The following CSMD1 variants were observed in gnomAD, a reference collection of about 807,000 sequenced individuals.
The protein encoded by CSMD1 is CUB and sushi domain-containing protein 1.
In CSMD1, 213 loss-of-function variants were observed where a neutral mutation model predicts 417.5. The ratio of observed to expected loss-of-function variants is 0.51; its 90% CI spans 0.46 to 0.57. The LOEUF (loss-of-function observed/expected upper bound fraction) is 0.57, where lower values mean the gene tolerates loss of function less well. Ranked by LOEUF, CSMD1 falls within the 20% of genes least tolerant of loss-of-function variation. CSMD1 has a pLI of 0.00. For missense variants in CSMD1, 6,923 were observed against 4,529.7 expected, an observed-to-expected ratio of 1.53 and a Z score of -15.17; for synonymous variants, 2,862 against 1,736.8, an observed-to-expected ratio of 1.65 and a Z score of -16.11.
intron 7 of CSMD1, among the ~76,000 whole-genome samples, chr8:3,650,229 G>T (rs1157192070): frequency 1.3e-5 from 2 of 151,646 alleles, no homozygotes; most frequent in African/African-American, 2.4e-5. Flanking sequence ...AATGACCTGA[G>T]ATTGCTTCAT....
At chr8:3,610,472 T>C (rs1276440096) in intron 8 of CSMD1, among the ~76,000 whole-genome samples, 5 of 32,410 alleles carry the variant, frequency 1.5e-4, no homozygotes, top group East Asian at 4.6e-4. Flanking sequence ...GAGTTCGAGA[T>C]TACAGTACTC....
At chr8:3,481,697 G>C (rs1005364874) in intron 11 of CSMD1, among the ~76,000 whole-genome samples, 1 of 152,162 alleles carries the variant, frequency 6.6e-6, no homozygotes, top group Non-Finnish European at 1.5e-5. Context: ...ATTTCAGGCA[G>C]AGAAGATGGT....
At chr8:3,943,488 A>C (rs1384858314) in intron 5 of CSMD1, among the ~76,000 whole-genome samples, 2 of 151,808 alleles carry the variant, frequency 1.3e-5, no homozygotes, top group Admixed American at 1.3e-4. Context: ...TGGGTGCTGA[A>C]ATTAGTGAAC....
At chr8:4,524,281 T>A (rs62479745) in intron 2 of CSMD1, among the ~76,000 whole-genome samples, 7,277 of 150,448 alleles carry the variant, frequency 0.048, 208 homozygotes, top group Middle Eastern at 0.072. Context: ...ACCCATCTAG[T>A]GGACAAATAT....
At chr8:4,197,883 T>A (rs558298254) in intron 3 of CSMD1, among the ~76,000 whole-genome samples, 230 of 152,196 alleles carry the variant, frequency 1.5e-3, no homozygotes, top group South Asian at 7.5e-3. Context: ...CATCTAAAAG[T>A]TAAGAAGAAA....
intron 8 of CSMD1, among the ~76,000 whole-genome samples, chr8:3,616,294 T>A (rs1049123682): frequency 1.3e-5 from 2 of 151,948 alleles, no homozygotes; most frequent in African/African-American, 2.4e-5. Context: ...TGAGTTCTCA[T>A]GAGATCTGAT....
chr8:3,346,309 T>G (rs1261709365), intron 22 of CSMD1, among the ~76,000 whole-genome samples: 2 of 152,254 alleles, frequency 1.3e-5, no homozygotes, highest in East Asian at 3.8e-4. Context: ...CCTTGTGTAT[T>G]TTATGCAGTA....
At chr8:3,781,533 G>T (rs553868723) in intron 5 of CSMD1, among the ~76,000 whole-genome samples, 1 of 152,096 alleles carries the variant, frequency 6.6e-6, no homozygotes, top group Non-Finnish European at 1.5e-5. Flanking sequence ...TGGATATATG[G>T]TCTATCTGCT....
chr8:4,120,556 C>T (rs888570525), intron 3 of CSMD1, among the ~76,000 whole-genome samples: 2 of 152,210 alleles, frequency 1.3e-5, no homozygotes, highest in Non-Finnish European at 2.9e-5. Flanking sequence ...GATACCAAAA[C>T]TGGCGACCGG....
chr8:3,510,268 AG>A (rs1172721988), intron 10 of CSMD1, among the ~76,000 whole-genome samples: 1 of 151,882 alleles, frequency 6.6e-6, no homozygotes, highest in Non-Finnish European at 1.5e-5. Flanking sequence ...CCTTGCCTGC[AG>A]CCCAGGCTTC....
chr8:3,742,977 A>C (rs1000997482), intron 6 of CSMD1, among the ~76,000 whole-genome samples: 7 of 152,220 alleles, frequency 4.6e-5, no homozygotes, highest in African/African-American at 1.7e-4. Flanking sequence ...AGACTACACA[A>C]CTAGTGGAAG....
rs536077671 is a variant in CSMD1, at chr8:3,968,490, C to A, written c.818+29413G>T. On this transcript the variant is annotated intron_variant, in intron 5 of 69. Transcript: ENST00000635120. ...AATCTTTTTAGTTAAGTACATCTTC[C>A]GGATTCAAAATACTTAATAAAGCAA... Among the ~76,000 whole-genome samples the A allele has an allele frequency of 1.8e-3, 280 of 152,158 alleles. 2 individuals are homozygous for A. The highest frequency in any genetic ancestry group is 6.6e-3 in the African/African-American group (273 of 41,530).
intron 1 of CSMD1, among the ~76,000 whole-genome samples, chr8:4,670,233 G>C (rs533478297): frequency 1.3e-5 from 2 of 152,270 alleles, no homozygotes; most frequent in East Asian, 1.9e-4. Flanking sequence ...TCTTTGTGTG[G>C]ATAATGTAGA....
chr8:4,671,273 G>C (rs1013012889), intron 1 of CSMD1, among the ~76,000 whole-genome samples: 3 of 152,106 alleles, frequency 2.0e-5, no homozygotes, highest in Non-Finnish European at 4.4e-5. Flanking sequence ...TATTAGGGCA[G>C]GTTACTGAAT....
intron 3 of CSMD1, among the ~76,000 whole-genome samples, chr8:4,092,733 CT>C (rs1218261961): frequency 6.6e-6 from 1 of 151,992 alleles, no homozygotes; most frequent in Non-Finnish European, 1.5e-5. Context: ...AACTTTTTAA[CT>C]TCCACATTTT....
chr8:3,841,911 GA>G (rs1304661325), intron 5 of CSMD1, among the ~76,000 whole-genome samples: 1 of 151,896 alleles, frequency 6.6e-6, no homozygotes, highest in Non-Finnish European at 1.5e-5. Context: ...TTTCCCATGG[GA>G]TGATCTTCCC....
chr8:3,861,689 T>G (rs1804720026), intron 5 of CSMD1, among the ~76,000 whole-genome samples: 1 of 152,186 alleles, frequency 6.6e-6, no homozygotes, highest in South Asian at 2.1e-4. Context: ...AATAGGGTTT[T>G]TTGTTTGGTT....
intron 2 of CSMD1, among the ~76,000 whole-genome samples, chr8:4,634,887 C>T (rs1402838840): frequency 6.6e-6 from 1 of 152,150 alleles, no homozygotes; most frequent in Non-Finnish European, 1.5e-5. Context: ...ACCTGTAACA[C>T]TCAGTAGTCA....
At chr8:3,912,696 A>G (rs979604982) in intron 5 of CSMD1, among the ~76,000 whole-genome samples, 3 of 152,202 alleles carry the variant, frequency 2.0e-5, no homozygotes, top group African/African-American at 4.8e-5. Flanking sequence ...TACATGCAGA[A>G]TACGACAACT....
Sources: allele counts gnomAD v4.1 joint callset (sites outside exome capture counted in the v4.1 genomes callset), GRCh38; gene constraint gnomAD v4.1.1; transcripts MANE v1.5; gene names NCBI Gene and HGNC (gene_info 2026-07-23, HGNC 2026-07-21).